Variants in HS3ST4 observed in about 807,000 individuals in gnomAD.
HS3ST4 encodes the protein heparan sulfate-glucosamine 3-sulfotransferase 4, also known as heparan sulfate glucosamine 3-O-sulfotransferase 4.
A neutral mutation model predicts 29.2 loss-of-function variants in HS3ST4; 17 were observed. The observed-to-expected ratio is 0.58, with a 90% CI of 0.40 to 0.87. The LOEUF is 0.87. HS3ST4 is among the 40% of genes least tolerant of loss of function. The pLI, the probability that HS3ST4 is intolerant of heterozygous loss-of-function variation, is 0.00. For missense variants in HS3ST4, 627 were observed against 634.5 expected (o/e 0.99, Z 0.13); for synonymous variants, 314 against 285.7 (o/e 1.10, Z -1.00).
At chr16:25,885,173 G>A (rs1046089620) in intron 1 of HS3ST4, among the ~76,000 whole-genome samples, 2 of 152,192 alleles carry the variant, frequency 1.3e-5, no homozygotes, top group African/African-American at 4.8e-5. Flanking sequence ...GGATCAGAAA[G>A]TACCTTTAAT....
Position 26,066,272 on chromosome 16 carries a change from C to G in HS3ST4, c.735-69340C>G, listed in dbSNP as rs375422391. ...GAGCTAATTATTAGATAAAGGAAGT[C>G]CTACATGTCTATCATATAAAACTTA... On this transcript the variant is annotated intron_variant, in intron 1 of 1. Transcript: ENST00000331351. Among the ~76,000 whole-genome samples, 11 of 152,214 alleles carry G rather than the reference C, an allele frequency of 7.2e-5. 1 individual carries two copies. In the South Asian group the frequency reaches 2.1e-3, roughly 29 times the overall value.
chr16:25,826,814 A>G (rs1401548351), intron 1 of HS3ST4, among the ~76,000 whole-genome samples: 1 of 152,096 alleles, frequency 6.6e-6, no homozygotes, highest in Non-Finnish European at 1.5e-5. Context: ...ATGGTATATA[A>G]TTTCCATGAG....
intron 1 of HS3ST4, among the ~76,000 whole-genome samples, chr16:26,007,712 G>A (rs998476480): frequency 6.6e-6 from 1 of 152,160 alleles, no homozygotes; most frequent in Non-Finnish European, 1.5e-5. Flanking sequence ...CTCATCAGAT[G>A]CCGTTGTCCT....
At chr16:25,744,978 G>A (rs936288016) in intron 1 of HS3ST4, among the ~76,000 whole-genome samples, 1 of 152,074 alleles carries the variant, frequency 6.6e-6, no homozygotes, top group Non-Finnish European at 1.5e-5. Context: ...CATTGTGAAA[G>A]CGGACTAATA....
At chr16:26,053,683 C>T (rs1898373255) in intron 1 of HS3ST4, among the ~76,000 whole-genome samples, 1 of 152,092 alleles carries the variant, frequency 6.6e-6, no homozygotes, top group South Asian at 2.1e-4. Flanking sequence ...TGCCTGGAAA[C>T]CTCAAAACAG....
chr16:25,994,007 T>TGG (rs1969137754), intron 1 of HS3ST4, among the ~76,000 whole-genome samples: 1 of 122,638 alleles, frequency 8.2e-6, no homozygotes. Flanking sequence ...TGTGTGTGTG[T>TGG]GGTGGAGAGA....
chr16:25,800,043 TTCC>T (rs1334481019), intron 1 of HS3ST4, among the ~76,000 whole-genome samples: 6 of 151,136 alleles, frequency 4.0e-5, no homozygotes, highest in Non-Finnish European at 7.4e-5. Flanking sequence ...CCTTCCTTCC[TTCC>T]TTCCTTCTTG....
chr16:26,099,132 C>G (rs552835540), intron 1 of HS3ST4, among the ~76,000 whole-genome samples: 1 of 152,226 alleles, frequency 6.6e-6, no homozygotes, highest in East Asian at 1.9e-4. Flanking sequence ...TAATTTTCCC[C>G]AAGTCAAACA....
chr16:26,077,348 C>A (rs1898674849), intron 1 of HS3ST4, among the ~76,000 whole-genome samples: 1 of 152,220 alleles, frequency 6.6e-6, no homozygotes, highest in Admixed American at 6.5e-5. Flanking sequence ...GGGAAATAGG[C>A]CCCACCTCTT....
chr16:26,115,367 C>T (rs1473433854), intron 1 of HS3ST4, among the ~76,000 whole-genome samples: 3 of 151,590 alleles, frequency 2.0e-5, no homozygotes, highest in African/African-American at 7.3e-5. Flanking sequence ...CATAGAGAGA[C>T]AGGGGATTGG....
At chr16:26,103,077 A>G (rs529956724) in intron 1 of HS3ST4, among the ~76,000 whole-genome samples, 2 of 152,290 alleles carry the variant, frequency 1.3e-5, no homozygotes, top group East Asian at 1.9e-4. Flanking sequence ...ACTCAGTCAC[A>G]TGACCATATC....
rs1466895367 is a variant in HS3ST4 at position 25,788,540 on chromosome 16, CTTTCTTTTTTT to C, written c.734+95393_734+95403del. The stretch of plus-strand genomic sequence containing the variant: ...TTCCTACATTTTTTTTTCTTTTCTT[CTTTCTTTTTTT>C]TTTTTTTTTGACAGGGTCTTGGTCT... On this transcript the variant is annotated intron_variant, in intron 1 of 1. Coordinates refer to ENST00000331351, the MANE Select transcript of HS3ST4 (RefSeq NM_006040.3). Among the ~76,000 whole-genome samples, 189 of 99,068 alleles carry C rather than the reference CTTTCTTTTTTT, an allele frequency of 1.9e-3. 2 individuals are homozygous for C. Among genetic ancestry groups the C allele is most frequent in the Non-Finnish European group, 2.8e-3 (148 of 52,392 alleles). The allele number at this position is 99,068 out of a possible 152,430, so 65.0% of individuals were successfully genotyped here. A position where few individuals can be genotyped will look rare whatever the true frequency, so the allele number is the denominator to read the frequency against.
chr16:26,090,571 G>C lies in HS3ST4; in HGVS notation c.735-45041G>C, dbSNP rs1325387724. Among the ~76,000 whole-genome samples, 5 of 151,814 alleles carry C rather than the reference G, an allele frequency of 3.3e-5. No individual in the cohort carries two copies. In the South Asian group the frequency reaches 1.0e-3, roughly 32 times the overall value. ...GACCCAAAGAGCAGAGCCCATAAAA[G>C]CAACTAGATTCAAAAAGGTGACCTG... On this transcript the variant is annotated intron_variant, in intron 1 of 1. Coordinates refer to ENST00000331351, the MANE Select transcript of HS3ST4 (RefSeq NM_006040.3).
chr16:25,847,909 T>C (rs778832005), intron 1 of HS3ST4, among the ~76,000 whole-genome samples: 8 of 152,328 alleles, frequency 5.3e-5, no homozygotes, highest in Non-Finnish European at 1.0e-4. Flanking sequence ...TTGGTATTTA[T>C]ATTTATGTAT....
chr16:26,003,360 A>G (rs1172013639), intron 1 of HS3ST4, among the ~76,000 whole-genome samples: 1 of 152,174 alleles, frequency 6.6e-6, no homozygotes, highest in Non-Finnish European at 1.5e-5. Context: ...GGTCTGACAC[A>G]TAGTCACTGC....
intron 1 of HS3ST4, among the ~76,000 whole-genome samples, chr16:26,042,356 G>T (rs763112912): frequency 7.7e-6 from 1 of 130,672 alleles, no homozygotes; most frequent in East Asian, 2.0e-4. Flanking sequence ...ATTTATCTCT[G>T]TGTGTGTGTG....
chr16:25,881,160 G>A (rs1185352828), intron 1 of HS3ST4, among the ~76,000 whole-genome samples: 1 of 152,124 alleles, frequency 6.6e-6, no homozygotes, highest in Non-Finnish European at 1.5e-5. Context: ...AATGGTAGGA[G>A]ACAAGAATGA....
chr16:26,002,731 G>A (rs1214911140), intron 1 of HS3ST4, among the ~76,000 whole-genome samples: 1 of 147,218 alleles, frequency 6.8e-6, no homozygotes, highest in Non-Finnish European at 1.5e-5. Context: ...GAGGGAGGGA[G>A]GGAGAGAGGG....
Position 25,902,703 on chromosome 16 carries a change from C to T in HS3ST4, c.734+209552C>T, listed in dbSNP as rs371452223. Among the ~76,000 whole-genome samples the T allele has an allele frequency of 9.8e-4, 149 of 151,906 alleles. 1 individual carries two copies. The highest frequency in any genetic ancestry group is 3.4e-3 in the African/African-American group (139 of 41,406). ...AGGCTACACTTCCTAGACTCATGAA[C>T]GGGAACCCATAAAATCACAAGAAAG... On this transcript the variant is annotated intron_variant, in intron 1 of 1. Transcript: ENST00000331351.
Sources: allele counts gnomAD v4.1 joint callset (sites outside exome capture counted in the v4.1 genomes callset), GRCh38; gene constraint gnomAD v4.1.1; transcripts MANE v1.5; gene names NCBI Gene and HGNC (gene_info 2026-07-23, HGNC 2026-07-21).